The following TET2 variants were observed in gnomAD, a reference collection of about 807,000 sequenced individuals.
TET2 encodes the protein methylcytosine dioxygenase TET2.
A neutral mutation model predicts 142.9 loss-of-function variants in TET2; 299 were observed. The observed-to-expected ratio is 2.09, with a 90% CI of 1.90 to 2.30. TET2 has a LOEUF of 2.30. Ranked by LOEUF, TET2 falls within the 30% of genes most tolerant of loss-of-function variation. The pLI is 0.00. For missense variants in TET2, 2,418 were observed against 2,378.0 expected, an observed-to-expected ratio of 1.02 and a Z score of -0.35; for synonymous variants, 819 against 849.0, an observed-to-expected ratio of 0.96 and a Z score of 0.61.
At chr4:105,232,851 C>CCTTT (rs1199075960) in intron 2 of TET2, among the ~76,000 whole-genome samples, 2 of 152,248 alleles carry the variant, frequency 1.3e-5, no homozygotes, top group African/African-American at 4.8e-5. Context: ...ATAAAGTACA[C>CCTTT]TTTTCATCAC....
chr4:105,241,654 C>T (rs889555032), intron 4 of TET2: 5 of 1,277,066 alleles, frequency 3.9e-6, no homozygotes, highest in African/African-American at 3.1e-5. Flanking sequence ...GCCCACTTTG[C>T]GATGGATGCC....
intron 2 of TET2, among the ~76,000 whole-genome samples, chr4:105,192,975 A>T (rs1354477842): frequency 1.3e-5 from 2 of 152,200 alleles, no homozygotes; most frequent in African/African-American, 2.4e-5. Flanking sequence ...CAGCCAAAAG[A>T]CCTGGAGTAG....
At chr4:105,205,934 G>A (rs1726795234) in intron 2 of TET2, among the ~76,000 whole-genome samples, 2 of 151,944 alleles carry the variant, frequency 1.3e-5, no homozygotes, top group African/African-American at 2.4e-5. Flanking sequence ...ACACCCAGCC[G>A]AAAACATTAT....
intron 1 of TET2, among the ~76,000 whole-genome samples, chr4:105,184,827 A>C (rs1725332596): frequency 6.6e-6 from 1 of 151,976 alleles, no homozygotes; most frequent in South Asian, 2.1e-4. Flanking sequence ...TGATTAGTGA[A>C]CTCCAGTCTC....
chr4:105,256,187 C>T (rs922722765), intron 6 of TET2, among the ~76,000 whole-genome samples: 2 of 151,930 alleles, frequency 1.3e-5, no homozygotes, highest in Non-Finnish European at 2.9e-5. Context: ...TCATATTTAC[C>T]TATGTAATTA....
chr4:105,235,908 C>G lies in TET2; in HGVS notation c.1966C>G (p.Pro656Ala). The change falls in exon 3 of 11, where the codon CCC becomes GCC. Residue 656 changes from proline (P) to alanine (A), a missense_variant. By Grantham distance (27) the Pro-to-Ala change is conservative. Coordinates refer to ENST00000380013, the MANE Select transcript of TET2 (RefSeq NM_001127208.3). The stretch of plus-strand genomic sequence containing the variant: ...GGACCAACATCTCCAGTTCCAAAAA[C>G]CCTCACACCAGGTGCACTTCTCCAA... The part of the protein sequence containing the change: ...TVDQHLQFQK[P>A]SHQVHFSKTD... 1 of 1,614,090 alleles carries G rather than the reference C, an allele frequency of 6.2e-7. No homozygotes were observed. Among genetic ancestry groups the G allele is most frequent in the African/African-American group, 1.3e-5 (1 of 75,042 alleles).
rs148424380 is a variant in TET2, at chr4:105,170,919, C to T, written c.-192-19441C>T. Among the ~76,000 whole-genome samples the T allele has an allele frequency of 4.6e-4, 70 of 152,274 alleles. No homozygotes were observed. In the East Asian group the frequency reaches 5.0e-3, roughly 11 times the overall value. ...ACTGCCTGTGTTCTTCCTTCTGCTT[C>T]CTTTATTTCAGCTGTGTGTCTACCA... is the stretch of plus-strand genomic sequence containing the variant. On this transcript the variant is annotated intron_variant, in intron 1 of 10. Coordinates refer to ENST00000380013, the MANE Select transcript of TET2 (RefSeq NM_001127208.3).
At chr4:105,199,396 A>G (rs1427300322) in intron 2 of TET2, among the ~76,000 whole-genome samples, 4 of 152,176 alleles carry the variant, frequency 2.6e-5, no homozygotes, top group African/African-American at 9.7e-5. Flanking sequence ...AATCTCTACT[A>G]TCCTTCACTT....
intron 2 of TET2, among the ~76,000 whole-genome samples, chr4:105,222,539 T>C (rs909597968): frequency 6.6e-6 from 1 of 152,284 alleles, no homozygotes; most frequent in Non-Finnish European, 1.5e-5. Flanking sequence ...GTTCATGTGC[T>C]TCGCCCACTT....
chr4:105,243,289 T>G (rs1260506226), intron 5 of TET2, among the ~76,000 whole-genome samples: 54 of 152,332 alleles, frequency 3.5e-4, no homozygotes, highest in Non-Finnish European at 2.9e-5. Flanking sequence ...AGCTCTGGTT[T>G]TAATGCAGGT....
At chr4:105,259,289 GAGAC>G (rs1247138513) in intron 6 of TET2, among the ~76,000 whole-genome samples, 1 of 152,144 alleles carries the variant, frequency 6.6e-6, no homozygotes, top group Non-Finnish European at 1.5e-5. Context: ...TACTGTTAGG[GAGAC>G]AGACAGTGAG....
intron 6 of TET2, among the ~76,000 whole-genome samples, chr4:105,255,914 A>G (rs1406682475): frequency 9.1e-5 from 8 of 87,650 alleles, no homozygotes; most frequent in African/African-American, 6.4e-4. Context: ...CTTTTACTAA[A>G]TTTTTTGATG....
intron 7 of TET2, among the ~76,000 whole-genome samples, chr4:105,260,990 C>T (rs1730395369): frequency 6.6e-6 from 1 of 152,008 alleles, no homozygotes; most frequent in African/African-American, 2.4e-5. Flanking sequence ...CTTATTGCCT[C>T]TGTTGGGTAG....
Position 105,233,919 on chromosome 4 carries a change from G to T in TET2, c.-24G>T. On this transcript the variant is annotated 5_prime_UTR_variant, in exon 3 of 11. Coordinates refer to ENST00000380013, the MANE Select transcript of TET2 (RefSeq NM_001127208.3). ...TAGAATTCAACTAGAGGGCAGCCTT[G>T]TGGATGGCCCCGAAGCAAGCCTGAT... 1.3e-6 allele frequency: 2 copies of T among 1,590,202 alleles called. No homozygotes were observed. Among genetic ancestry groups the T allele is most frequent in the Middle Eastern group, 1.7e-4 (1 of 5,932 alleles).
chr4:105,165,442 A>T (rs1724102501), intron 1 of TET2, among the ~76,000 whole-genome samples: 1 of 152,218 alleles, frequency 6.6e-6, no homozygotes, highest in South Asian at 2.1e-4. Flanking sequence ...GAGAGTGGAA[A>T]TTCCTTACAT....
intron 3 of TET2, chr4:105,237,665 A>G (rs1167720045): frequency 7.2e-7 from 1 of 1,392,510 alleles, no homozygotes; most frequent in Non-Finnish European, 9.4e-7. Flanking sequence ...TTTGTATATT[A>G]TCTCCTGGAG....
At chr4:105,166,060 T>C (rs12645165) in intron 1 of TET2, among the ~76,000 whole-genome samples, 48,304 of 152,048 alleles carry the variant, frequency 0.32, 9,279 homozygotes, top group East Asian at 0.62. Flanking sequence ...TTTGCATCTA[T>C]AGTTAATTCT....
chr4:105,220,102 C>A lies in TET2; in HGVS notation c.-46-13795C>A, dbSNP rs137907746. On this transcript the variant is annotated intron_variant, in intron 2 of 10. Transcript: ENST00000380013. ...TATTCGTTGCATGAAAGAATGAATA[C>A]CTTGACAGATTATTTTTATAACTCT... Among the ~76,000 whole-genome samples, 1,018 of 152,108 alleles carry A rather than the reference C, an allele frequency of 6.7e-3. 5 individuals carry two copies. Among genetic ancestry groups the A allele is most frequent in the Non-Finnish European group, 0.011 (749 of 67,982 alleles).
chr4:105,272,683 T>G lies in TET2; in HGVS notation c.4302T>G (p.Ala1434=), dbSNP rs1441765259. 6.4e-7 allele frequency: 1 copy of G among 1,551,638 alleles called. No individual in the cohort carries two copies. The highest frequency in any genetic ancestry group is 2.4e-5 in the East Asian group (1 of 40,910). The change falls in exon 10 of 11, where the codon GCT becomes GCG. Residue 1434 remains alanine, a synonymous_variant. Coordinates refer to ENST00000380013, the MANE Select transcript of TET2 (RefSeq NM_001127208.3). ...SDVDEFGSVE[A]QEEKKRSGAI... Reference sequence around the variant, plus strand: ...TGGATGAGTTTGGGAGTGTGGAAGCTCAGGAGGAGAAAAAACGGAGTGGTG... The same window carrying G: ...TGGATGAGTTTGGGAGTGTGGAAGCGCAGGAGGAGAAAAAACGGAGTGGTG...
Sources: allele counts gnomAD v4.1 joint callset (sites outside exome capture counted in the v4.1 genomes callset), GRCh38; gene constraint gnomAD v4.1.1; transcripts MANE v1.5; gene names NCBI Gene and HGNC (gene_info 2026-07-23, HGNC 2026-07-21).